The following IL7R variants were observed in gnomAD, a reference collection of about 807,000 sequenced individuals.
IL7R encodes the protein interleukin-7 receptor subunit alpha.
IL7R carries 38 observed loss-of-function variants against 47.0 expected under a neutral mutation model. The ratio of observed to expected loss-of-function variants is 0.81; its 90% CI spans 0.62 to 1.06. IL7R has a LOEUF of 1.06. Ranked by LOEUF, IL7R falls within the 50% of genes least tolerant of loss-of-function variation. The probability of loss-of-function intolerance (pLI) is 0.00; values close to 1 mark genes in which losing one functional copy is unlikely to be tolerated. For synonymous variants in IL7R, 221 were observed against 199.8 expected (o/e 1.11, Z -0.89); for missense variants, 633 against 534.8 (o/e 1.18, Z -1.81).
intron 1 of IL7R, among the ~76,000 whole-genome samples, chr5:35,858,141 C>G (rs1759705493): frequency 6.6e-6 from 1 of 152,128 alleles, no homozygotes; most frequent in Admixed American, 6.5e-5. Flanking sequence ...TTCATGTCAT[C>G]TATACTCACT....
Position 35,878,772 on chromosome 5 carries a change from A to G in IL7R, c.*2286A>G, listed in dbSNP as rs377068522. On this transcript the variant is annotated 3_prime_UTR_variant, in exon 8 of 8. Coordinates refer to ENST00000303115, the MANE Select transcript of IL7R (RefSeq NM_002185.5). ...GTAAATTACCCAACCTCACACGTTA[A>G]GTCAGAACTGGGAGCCATAATTTTG... is the stretch of plus-strand genomic sequence containing the variant. 1 of 232,966 alleles carries G rather than the reference A, an allele frequency of 4.3e-6. No individual in the cohort carries two copies. The highest frequency in any genetic ancestry group is 8.5e-6 in the Non-Finnish European group (1 of 117,944). The allele number at this position is 232,966 out of a possible 1,614,324, so 14.4% of individuals were successfully genotyped here.
In IL7R at chr5:35,877,025, C is replaced by T. The variant is rs886060532; in HGVS notation, c.*539C>T. 2.1e-5 allele frequency: 5 copies of T among 240,468 alleles called. No homozygotes were observed. Among genetic ancestry groups the T allele is most frequent in the Non-Finnish European group, 4.1e-5 (5 of 122,500 alleles). 14.9% of individuals were successfully genotyped at this position (240,468 alleles called of 1,614,324 possible). A position where few individuals can be genotyped will look rare whatever the true frequency, so the allele number is the denominator to read the frequency against. On this transcript the variant is annotated 3_prime_UTR_variant, in exon 8 of 8. Transcript: ENST00000303115. The stretch of plus-strand genomic sequence containing the variant: ...TTAAGTAACTTGTCCAAGTTGTTCA[C>T]ACAGTGAAGGGAGGGGCCAAGATAT...
At chr5:35,869,341 TTGATG>T (rs1760014831) in intron 3 of IL7R, among the ~76,000 whole-genome samples, 1 of 152,178 alleles carries the variant, frequency 6.6e-6, no homozygotes, top group Non-Finnish European at 1.5e-5. Flanking sequence ...GAAGTATTGC[TTGATG>T]AATGAGCCCC....
chr5:35,857,082 T>TATGGATTTTGGATTATCTGTAGC (rs1759666349), intron 1 of IL7R, 23 bp downstream of exon 1: 1 of 1,420,686 alleles, frequency 7.0e-7, no homozygotes, highest in Non-Finnish European at 1.0e-6. Flanking sequence ...TAAGTTTTCT[T>TATGGATTTTGGATTATCTGTAGC]ATGGATTTTG....
At position 35,878,584 on chromosome 5, in the gene IL7R, G is replaced by A. The variant is rs1459645316; in HGVS notation, c.*2098G>A. ...GCAGCAGAAGACATTTTTCATCAGTGGGCAGGTGTTCTTTACCTTTTGTAG... is the reference window on the plus strand; with the variant it reads ...GCAGCAGAAGACATTTTTCATCAGTAGGCAGGTGTTCTTTACCTTTTGTAG... On this transcript the variant is annotated 3_prime_UTR_variant, in exon 8 of 8. Transcript: ENST00000303115. 4.3e-6 allele frequency: 1 copy of A among 232,824 alleles called. No individual in the cohort carries two copies. Among genetic ancestry groups the A allele is most frequent in the Non-Finnish European group, 8.5e-6 (1 of 117,866 alleles). The allele number at this position is 232,824 out of a possible 1,614,324, so 14.4% of individuals were successfully genotyped here. A position where few individuals can be genotyped will look rare whatever the true frequency, so the allele number is the denominator to read the frequency against.
chr5:35,867,015 G>C (rs967969695), intron 2 of IL7R, among the ~76,000 whole-genome samples: 4 of 151,856 alleles, frequency 2.6e-5, no homozygotes, highest in African/African-American at 9.7e-5. Context: ...TTGTTTTTCA[G>C]TGATCAATTA....
At chr5:35,871,358 C>A in intron 4 of IL7R, 145 bp downstream of exon 4, 1 of 660,802 alleles carries the variant, frequency 1.5e-6, no homozygotes, top group Non-Finnish European at 2.6e-6. Context: ...AATATTGGCC[C>A]CATGAAAACC....
chr5:35,872,747 C>T (rs1210363663), intron 4 of IL7R, among the ~76,000 whole-genome samples: 1 of 151,732 alleles, frequency 6.6e-6, no homozygotes, highest in Non-Finnish European at 1.5e-5. Flanking sequence ...TCAACACACA[C>T]AATAATCAAA....
Position 35,876,537 on chromosome 5 carries a change from A to C in IL7R, c.*51A>C, listed in dbSNP as rs1328505171. 1.9e-6 allele frequency: 3 copies of C among 1,592,874 alleles called. No individual in the cohort carries two copies. The highest frequency in any genetic ancestry group is 2.6e-6 in the Non-Finnish European group (3 of 1,174,700). ...ACCGTGAGCGACAAAGATGATTTAAAAGGGAAGTCTAGAGTTCCTAGTCTC... is the reference window on the plus strand; with the variant it reads ...ACCGTGAGCGACAAAGATGATTTAACAGGGAAGTCTAGAGTTCCTAGTCTC... On this transcript the variant is annotated 3_prime_UTR_variant, in exon 8 of 8. Coordinates refer to ENST00000303115, the MANE Select transcript of IL7R (RefSeq NM_002185.5).
intron 4 of IL7R, among the ~76,000 whole-genome samples, chr5:35,871,502 G>A (rs968945907): frequency 8.6e-5 from 13 of 151,994 alleles, no homozygotes; most frequent in Non-Finnish European, 1.6e-4. Context: ...CTGTATTCAG[G>A]GGCCTCAAAA....
chr5:35,875,360 G>T (rs557865907), intron 6 of IL7R, 152 bp from the exon 7 acceptor site: 28 of 702,764 alleles, frequency 4.0e-5, no homozygotes, highest in Non-Finnish European at 6.3e-5. Flanking sequence ...CCCAGAGAAA[G>T]CCAGTCTCTT....
Position 35,877,657 on chromosome 5 carries a change from G to A in IL7R, c.*1171G>A, listed in dbSNP as rs16902514. The stretch of plus-strand genomic sequence containing the variant: ...TTGTCCCAAGTTCTCCAGCAATAGA[G>A]GCTGCCACAAACTTCAGGGAGAAAG... On this transcript the variant is annotated 3_prime_UTR_variant, in exon 8 of 8. Coordinates refer to ENST00000303115, the MANE Select transcript of IL7R (RefSeq NM_002185.5). The A allele has an allele frequency of 0.016, 3,705 of 233,264 alleles. 129 individuals carry two copies. Among genetic ancestry groups the A allele is most frequent in the African/African-American group, 0.075 (3,412 of 45,410 alleles). 14.4% of individuals were successfully genotyped at this position (233,264 alleles called of 1,614,324 possible).
chr5:35,877,627 C>A lies in IL7R; in HGVS notation c.*1141C>A, dbSNP rs1760250056. 1 of 233,094 alleles carries A rather than the reference C, an allele frequency of 4.3e-6. No individual in the cohort carries two copies. The highest frequency in any genetic ancestry group is 2.2e-5 in the African/African-American group (1 of 45,320). 14.4% of individuals were successfully genotyped at this position (233,094 alleles called of 1,614,324 possible). On this transcript the variant is annotated 3_prime_UTR_variant, in exon 8 of 8. Coordinates refer to ENST00000303115, the MANE Select transcript of IL7R (RefSeq NM_002185.5). ...ACACTACCCCAACCTAAATTCATCC[C>A]TAAATTGTCCCAAGTTCTCCAGCAA...
chr5:35,864,948 C>A (rs761949389), intron 2 of IL7R, among the ~76,000 whole-genome samples: 4 of 151,752 alleles, frequency 2.6e-5, no homozygotes, highest in Non-Finnish European at 5.9e-5. Flanking sequence ...CAGTTTTAGC[C>A]TTTATATTTA....
At position 35,867,422 on chromosome 5, in the gene IL7R, A is replaced by C; in HGVS notation, c.338A>C (p.Glu113Ala). Residue 113 changes from glutamate to alanine, a missense_variant, in exon 3 of 8, where the codon GAA becomes GCA. Physicochemically the swap from Glu to Ala is moderately radical, Grantham distance 107 (BLOSUM62 -1). Coordinates refer to ENST00000303115, the MANE Select transcript of IL7R (RefSeq NM_002185.5). The stretch of plus-strand genomic sequence containing the variant: ...AGCAATATATGTGTGAAGGTTGGAG[A>C]AAAGAGTCTAACCTGCAAAAAAATA... ...GKSNICVKVG[E>A]KSLTCKKIDL... 1 of 1,613,298 alleles carries C rather than the reference A, an allele frequency of 6.2e-7. No homozygotes were observed.
At position 35,876,032 on chromosome 5, in the gene IL7R, A is replaced by G. The variant is rs2149905219; in HGVS notation, c.926A>G (p.His309Arg). The G allele has an allele frequency of 6.2e-7, 1 of 1,614,110 alleles. No individual in the cohort carries two copies. The highest frequency in any genetic ancestry group is 8.5e-7 in the Non-Finnish European group (1 of 1,180,022). The stretch of plus-strand genomic sequence containing the variant: ...GAAAGTTTCCTGGACTGCCAGATTC[A>G]TAGGGTGGATGACATTCAAGCTAGA... ...NPESFLDCQIHRVDDIQARDE... is the reference protein window; with the variant it reads ...NPESFLDCQIRRVDDIQARDE... Residue 309 changes from histidine (H) to arginine (R), a missense_variant, in exon 8 of 8, where the codon CAT (histidine) becomes CGT (arginine). By Grantham distance (29) the His-to-Arg change is conservative. Coordinates refer to ENST00000303115, the MANE Select transcript of IL7R (RefSeq NM_002185.5).
intron 2 of IL7R, among the ~76,000 whole-genome samples, chr5:35,862,020 T>C (rs1759833368): frequency 6.6e-6 from 1 of 152,150 alleles, no homozygotes; most frequent in Non-Finnish European, 1.5e-5. Context: ...TTTTGTCAAT[T>C]TATGGGAGCT....
rs143596606 is a variant in IL7R, at chr5:35,876,271, G to C, written c.1165G>C (p.Asp389His). ...APILSSSRSL[D>H]CRESGKNGPH... ...TATTCTCTCCTCTTCCAGGTCCCTA[G>C]ACTGCAGGGAGAGTGGCAAGAATGG... is the stretch of plus-strand genomic sequence containing the variant. The change falls in exon 8 of 8, where the codon GAC (aspartate) becomes CAC (histidine). Residue 389 changes from aspartate (D) to histidine (H), a missense_variant. Asp to His is a moderately conservative substitution (Grantham distance 81, BLOSUM62 -1). Transcript: ENST00000303115. 540 of 1,613,974 alleles carry C rather than the reference G, an allele frequency of 3.3e-4. No homozygotes were observed. Among genetic ancestry groups the C allele is most frequent in the Admixed American group, 5.5e-4 (33 of 59,998 alleles).
chr5:35,875,377 G>A (rs1760178716), intron 6 of IL7R, 135 bp from the exon 7 acceptor site: 1 of 730,816 alleles, frequency 1.4e-6, no homozygotes, highest in Non-Finnish European at 2.5e-6. Context: ...TCTTGACCAT[G>A]GTCACCCACC....
Sources: gnomAD v4.1 joint callset for allele counts (sites outside exome capture counted in the v4.1 genomes callset) on GRCh38, gnomAD v4.1.1 for gene constraint, MANE v1.5 for transcripts, NCBI Gene and HGNC (gene_info 2026-07-23, HGNC 2026-07-21) for gene names.